The following GARRE1 variants were observed in gnomAD, a reference collection of about 807,000 sequenced individuals.
GARRE1 encodes granule associated Rac and RHOG effector protein 1.
Under a neutral mutation model 103.2 loss-of-function variants are expected in GARRE1, and 49 were observed. The observed-to-expected ratio is 0.47, with a 90% CI of 0.38 to 0.60. The LOEUF (loss-of-function observed/expected upper bound fraction) is 0.60. Ranked by LOEUF, GARRE1 falls within the 20% of genes least tolerant of loss-of-function variation. The pLI is 0.00. For synonymous variants in GARRE1, 505 were observed against 532.8 expected, an observed-to-expected ratio of 0.95 and a Z score of 0.72; for missense variants, 1,199 against 1,370.5, an observed-to-expected ratio of 0.87 and a Z score of 1.98.
In GARRE1 at chr19:34,307,802, AT is replaced by A. The variant is rs1352627939; in HGVS notation, c.495+6835del. ...AAAATATATATACTATAAAAAAAAA[AT>A]ATATATATATATTTTTTTTTTTTTT... On this transcript the variant is annotated intron_variant, in intron 2 of 13. Transcript: ENST00000299505. Among the ~76,000 whole-genome samples, 75 of 107,942 alleles carry A rather than the reference AT, an allele frequency of 6.9e-4. 1 individual carries two copies. Among genetic ancestry groups the A allele is most frequent in the Middle Eastern group, 9.7e-3 (2 of 206 alleles). The allele number at this position is 107,942 out of a possible 152,430, so 70.8% of individuals were successfully genotyped here. A position where few individuals can be genotyped will look rare whatever the true frequency, so the allele number is the denominator to read the frequency against.
chr19:34,275,698 G>T (rs548255003), intron 1 of GARRE1, among the ~76,000 whole-genome samples: 1 of 152,222 alleles, frequency 6.6e-6, no homozygotes, highest in East Asian at 1.9e-4. Flanking sequence ...TCTGCATGTT[G>T]GTTTGTAGAC....
At chr19:34,344,576 G>A (rs1193326251) in intron 10 of GARRE1, among the ~76,000 whole-genome samples, 1 of 145,892 alleles carries the variant, frequency 6.9e-6, no homozygotes, top group Non-Finnish European at 1.5e-5. Flanking sequence ...GGGCGACAGA[G>A]CGAGACTCCG....
rs1443128875 is a variant in GARRE1 at position 34,327,742 on chromosome 19, C to T, written c.847-29C>T. The T allele has an allele frequency of 6.9e-6, 11 of 1,587,632 alleles. No individual in the cohort carries two copies. In the Admixed American group the frequency reaches 1.4e-4, roughly 20 times the overall value. On this transcript the variant is annotated intron_variant, in intron 4 of 13. Transcript: ENST00000299505. ...GTCATCTTATAATTTGCTTTACGAT[C>T]TTGATTGTTAAAAATAATTTATTTC... is the stretch of plus-strand genomic sequence containing the variant.
At chr19:34,324,043 G>A (rs1346672612) in intron 3 of GARRE1, among the ~76,000 whole-genome samples, 1 of 152,118 alleles carries the variant, frequency 6.6e-6, no homozygotes, top group African/African-American at 2.4e-5. Flanking sequence ...CATGACAGCA[G>A]AGGAGGTGCC....
At chr19:34,292,108 C>T (rs1272117562) in intron 1 of GARRE1, among the ~76,000 whole-genome samples, 1 of 152,162 alleles carries the variant, frequency 6.6e-6, no homozygotes, top group Non-Finnish European at 1.5e-5. Flanking sequence ...GTGATCTGCC[C>T]CCCTTGGCCT....
chr19:34,301,134 T>C (rs2073976767), intron 2 of GARRE1, among the ~76,000 whole-genome samples, 166 bp downstream of exon 2: 2 of 152,166 alleles, frequency 1.3e-5, no homozygotes, highest in Admixed American at 6.5e-5. Flanking sequence ...TCTGAATTGC[T>C]TTCATATCAA....
intron 1 of GARRE1, among the ~76,000 whole-genome samples, chr19:34,286,113 C>G (rs1416601096): frequency 6.6e-6 from 1 of 152,192 alleles, no homozygotes; most frequent in Non-Finnish European, 1.5e-5. Flanking sequence ...AGGTGGATTG[C>G]TTGAGCTTAA....
chr19:34,259,547 A>G (rs1335666835), intron 1 of GARRE1, among the ~76,000 whole-genome samples: 1 of 152,244 alleles, frequency 6.6e-6, no homozygotes, highest in Non-Finnish European at 1.5e-5. Flanking sequence ...ATAAGTGCCT[A>G]GAAGGGGAGT....
chr19:34,320,351 G>A (rs1484978366), intron 3 of GARRE1, among the ~76,000 whole-genome samples: 1 of 152,238 alleles, frequency 6.6e-6, no homozygotes, highest in African/African-American at 2.4e-5. Flanking sequence ...GGGAGAATAG[G>A]CTTACAAAAA....
At chr19:34,261,920 A>G (rs1171345754) in intron 1 of GARRE1, among the ~76,000 whole-genome samples, 2 of 151,768 alleles carry the variant, frequency 1.3e-5, no homozygotes, top group East Asian at 3.9e-4. Flanking sequence ...CCTCACAACA[A>G]CCCTTTGATG....
chr19:34,269,236 G>A (rs2073771610), intron 1 of GARRE1, among the ~76,000 whole-genome samples: 1 of 152,216 alleles, frequency 6.6e-6, no homozygotes, highest in African/African-American at 2.4e-5. Context: ...ACCAGAGGCG[G>A]TCATGGATCA....
intron 1 of GARRE1, among the ~76,000 whole-genome samples, chr19:34,261,847 C>T (rs1291096255): frequency 6.6e-6 from 1 of 152,178 alleles, no homozygotes; most frequent in Non-Finnish European, 1.5e-5. Context: ...GTGCTGAGTC[C>T]TTCGACTCAC....
At chr19:34,264,612 A>T (rs977791955) in intron 1 of GARRE1, among the ~76,000 whole-genome samples, 13 of 152,074 alleles carry the variant, frequency 8.5e-5, no homozygotes, top group Admixed American at 7.2e-4. Flanking sequence ...GTTAGCCAGG[A>T]TGGTCTTGAT....
intron 2 of GARRE1, among the ~76,000 whole-genome samples, chr19:34,307,022 G>A (rs529589931): frequency 6.6e-6 from 1 of 152,258 alleles, no homozygotes; most frequent in East Asian, 1.9e-4. Context: ...GATTCCAGGC[G>A]GAGGGAGCGC....
At chr19:34,286,204 A>G (rs1294387184) in intron 1 of GARRE1, among the ~76,000 whole-genome samples, 5 of 139,816 alleles carry the variant, frequency 3.6e-5, no homozygotes, top group Middle Eastern at 3.5e-3. Flanking sequence ...TCACTTTGGA[A>G]GGGAGGTGCC....
chr19:34,347,741 C>A, intron 10 of GARRE1, 136 bp from the exon 11 acceptor site: 1 of 817,774 alleles, frequency 1.2e-6, no homozygotes, highest in African/African-American at 1.8e-5. Context: ...GCCTACAGCC[C>A]ACGCTGTGGG....
intron 1 of GARRE1, among the ~76,000 whole-genome samples, chr19:34,270,597 G>A (rs974568320): frequency 1.3e-4 from 20 of 152,036 alleles, no homozygotes; most frequent in Non-Finnish European, 2.4e-4. Flanking sequence ...CTTTGAGGGG[G>A]GCCTCAGCCT....
Position 34,265,216 on chromosome 19 carries a change from C to A in GARRE1, c.-796+10602C>A, listed in dbSNP as rs565040295. Among the ~76,000 whole-genome samples the A allele has an allele frequency of 4.7e-5, 7 of 149,838 alleles. No homozygotes were observed. In the East Asian group the frequency reaches 1.3e-3, roughly 29 times the overall value. On this transcript the variant is annotated intron_variant, in intron 1 of 13. Coordinates refer to ENST00000299505, the MANE Select transcript of GARRE1 (RefSeq NM_014686.5). Reference sequence around the variant, plus strand: ...TAACTCGCATCTTCCCTCACCCCACCCCCGGTCCCCGAGGTGGATATATGT... The same window carrying A: ...TAACTCGCATCTTCCCTCACCCCACACCCGGTCCCCGAGGTGGATATATGT...
At chr19:34,330,727 C>CTTTTTTTTTTT (rs1213759081) in intron 7 of GARRE1, among the ~76,000 whole-genome samples, 1 of 102,088 alleles carries the variant, frequency 9.8e-6, no homozygotes, top group Non-Finnish European at 1.9e-5. Context: ...GACCCTGCCT[C>CTTTTTTTTTTT]TTTTTTTTTT....
Sources: gnomAD v4.1 joint callset for allele counts (sites outside exome capture counted in the v4.1 genomes callset) on GRCh38, gnomAD v4.1.1 for gene constraint, MANE v1.5 for transcripts, NCBI Gene and HGNC (gene_info 2026-07-23, HGNC 2026-07-21) for gene names.